The following FRY variants were observed in gnomAD, a reference collection of about 807,000 sequenced individuals.
FRY encodes the protein protein furry homolog.
A neutral mutation model predicts 348.4 loss-of-function variants in FRY; 128 were observed. The ratio of observed to expected loss-of-function variants is 0.37; its 90% CI spans 0.32 to 0.43. The LOEUF (loss-of-function observed/expected upper bound fraction) is 0.43, where lower values mean the gene tolerates loss of function less well. FRY is among the 20% of genes least tolerant of loss of function. FRY has a pLI of 1.00. For synonymous variants in FRY, 1,370 were observed against 1,374.7 expected (o/e 1.00, Z 0.08); for missense variants, 2,736 against 3,695.2 (o/e 0.74, Z 6.73).
intron 51 of FRY, among the ~76,000 whole-genome samples, chr13:32,260,576 T>C (rs1444608267): frequency 6.6e-6 from 1 of 152,118 alleles, no homozygotes; most frequent in African/African-American, 2.4e-5. Context: ...AATATACAAA[T>C]CAACAATAAT....
At chr13:32,199,400 C>G (rs1454927195) in intron 29 of FRY, among the ~76,000 whole-genome samples, 1 of 152,124 alleles carries the variant, frequency 6.6e-6, no homozygotes, top group Non-Finnish European at 1.5e-5. Flanking sequence ...CCTTATAGTT[C>G]AGTGAAAAAG....
intron 1 of FRY, among the ~76,000 whole-genome samples, chr13:32,060,218 G>A (rs1328251422): frequency 2.0e-5 from 3 of 152,230 alleles, no homozygotes; most frequent in South Asian, 2.1e-4. Flanking sequence ...AGATCAATTC[G>A]TTACACTTTT....
chr13:32,232,062 C>T (rs143669199), intron 41 of FRY, among the ~76,000 whole-genome samples: 7 of 152,130 alleles, frequency 4.6e-5, no homozygotes, highest in Admixed American at 4.6e-4. Flanking sequence ...ACTGACAGAC[C>T]GAAATGGGAG....
intron 3 of FRY, among the ~76,000 whole-genome samples, chr13:32,102,772 G>T (rs1193142321): frequency 3.9e-5 from 6 of 152,186 alleles, no homozygotes; most frequent in South Asian, 2.1e-4. Flanking sequence ...GGACATCCAA[G>T]GAGGCTGGAG....
chr13:32,157,207 A>T (rs1021614119), intron 15 of FRY, 66 bp from the exon 16 acceptor site: 2 of 1,450,146 alleles, frequency 1.4e-6, no homozygotes, highest in Admixed American at 3.3e-5. Flanking sequence ...ATTATAGAGG[A>T]TGAATAAATC....
intron 58 of FRY, among the ~76,000 whole-genome samples, chr13:32,279,481 T>C (rs1268105053): frequency 6.6e-6 from 1 of 152,146 alleles, no homozygotes; most frequent in East Asian, 1.9e-4. Flanking sequence ...GCTTTGGTGT[T>C]TAACAGCAAT....
chr13:32,208,548 C>A (rs1884490995), intron 31 of FRY, among the ~76,000 whole-genome samples: 1 of 152,176 alleles, frequency 6.6e-6, no homozygotes, highest in Non-Finnish European at 1.5e-5. Flanking sequence ...AACTCCAAGT[C>A]CCTTATTTTG....
chr13:32,042,949 T>C (rs1454259814), intron 1 of FRY, among the ~76,000 whole-genome samples: 1 of 152,216 alleles, frequency 6.6e-6, no homozygotes, highest in Non-Finnish European at 1.5e-5. Context: ...CAACTAATAG[T>C]GCCATTAAGT....
intron 55 of FRY, among the ~76,000 whole-genome samples, chr13:32,268,684 G>A (rs1044925411): frequency 6.7e-6 from 1 of 150,202 alleles, no homozygotes; most frequent in South Asian, 2.1e-4. Flanking sequence ...TATTTTTTGG[G>A]GGGGTGGGGA....
At position 32,296,090 on chromosome 13, in the gene FRY, G is replaced by A. The variant is rs1432305643; in HGVS notation, c.*630G>A. 6.5e-6 allele frequency: 1 copy of A among 153,134 alleles called. No homozygotes were observed. The highest frequency in any genetic ancestry group is 1.5e-5 in the Non-Finnish European group (1 of 68,458). 9.5% of individuals were successfully genotyped at this position (153,134 alleles called of 1,614,324 possible). A position where few individuals can be genotyped will look rare whatever the true frequency, so the allele number is the denominator to read the frequency against. On this transcript the variant is annotated 3_prime_UTR_variant, in exon 61 of 61. Coordinates refer to ENST00000542859, the MANE Select transcript of FRY (RefSeq NM_023037.3). ...TGTATCTAAAAGGAGCTGCTATGAA[G>A]TACCTTTCTTATGTTGCTAGGCTAC...
At chr13:32,171,618 A>G (rs576130000) in intron 18 of FRY, among the ~76,000 whole-genome samples, 1 of 152,146 alleles carries the variant, frequency 6.6e-6, no homozygotes, top group South Asian at 2.1e-4. Context: ...GGCTGAATTT[A>G]TATTCTTTTA....
intron 1 of FRY, among the ~76,000 whole-genome samples, chr13:32,037,039 C>G (rs915458717): frequency 2.2e-4 from 21 of 95,682 alleles, no homozygotes; most frequent in African/African-American, 7.4e-5. Context: ...CACACACACA[C>G]ACACACACAC....
At chr13:32,137,692 A>G in intron 11 of FRY, among the ~76,000 whole-genome samples, 1 of 152,242 alleles carries the variant, frequency 6.6e-6, no homozygotes, top group East Asian at 1.9e-4. Context: ...ATAAGTGCAA[A>G]TAGGATGTAT....
chr13:32,179,076 T>G (rs762827974), intron 22 of FRY, 43 bp downstream of exon 22: 3 of 1,504,430 alleles, frequency 2.0e-6, no homozygotes, highest in Non-Finnish European at 2.8e-6. Flanking sequence ...TAAGGTTTTT[T>G]TTTAGCTTGT....
chr13:32,224,415 C>A (rs1041569600), intron 37 of FRY, 30 bp downstream of exon 37: 5 of 1,609,326 alleles, frequency 3.1e-6, no homozygotes, highest in Admixed American at 1.7e-5. Flanking sequence ...AGAAGGAAAT[C>A]TTAGCTTTGA....
At chr13:32,037,387 A>G (rs1269742277) in intron 1 of FRY, among the ~76,000 whole-genome samples, 2 of 152,214 alleles carry the variant, frequency 1.3e-5, no homozygotes, top group East Asian at 3.8e-4. Context: ...AAACAGTAGC[A>G]AATTCACTAA....
intron 35 of FRY, 95 bp from the exon 36 acceptor site, chr13:32,218,654 G>C: frequency 1.4e-6 from 1 of 708,896 alleles, no homozygotes. Flanking sequence ...AGTGCAGCCT[G>C]GTGACAGAGT....
chr13:32,081,027 C>G (rs1047348663), intron 2 of FRY, among the ~76,000 whole-genome samples: 1 of 152,128 alleles, frequency 6.6e-6, no homozygotes, highest in Admixed American at 6.6e-5. Flanking sequence ...AACATTTTCC[C>G]TCTTAACTCA....
In FRY at chr13:32,209,566, G is replaced by T; in HGVS notation, c.4276-19G>T. 1 of 1,613,432 alleles carries T rather than the reference G, an allele frequency of 6.2e-7. No homozygotes were observed. Among genetic ancestry groups the T allele is most frequent in the Non-Finnish European group, 8.5e-7 (1 of 1,179,506 alleles). On this transcript the variant is annotated intron_variant, in intron 32 of 60. Coordinates refer to ENST00000542859, the MANE Select transcript of FRY (RefSeq NM_023037.3). ...ACAGTTTTCACACATCTCTTGGGCC[G>T]GTTTTTATTTTGTTATAGTATGGAG...
Sources: gnomAD v4.1 joint callset for allele counts (sites outside exome capture counted in the v4.1 genomes callset) on GRCh38, gnomAD v4.1.1 for gene constraint, MANE v1.5 for transcripts, NCBI Gene and HGNC (gene_info 2026-07-23, HGNC 2026-07-21) for gene names.